DKK2: variants seen among roughly 807,000 people sequenced by gnomAD.
DKK2 encodes dickkopf-related protein 2.
Under a neutral mutation model 28.1 loss-of-function variants are expected in DKK2, and 11 were observed. The ratio of observed to expected loss-of-function variants is 0.39; its 90% CI spans 0.25 to 0.65. The LOEUF is 0.65. Ranked by LOEUF, DKK2 falls within the 30% of genes least tolerant of loss-of-function variation. The probability of loss-of-function intolerance (pLI) is 0.47; values close to 1 mark genes in which losing one functional copy is unlikely to be tolerated. For synonymous variants in DKK2, 135 were observed against 126.5 expected (o/e 1.07, Z -0.45); for missense variants, 326 against 335.5 (o/e 0.97, Z 0.22).
At chr4:107,019,913 A>G (rs1269678736) in intron 1 of DKK2, among the ~76,000 whole-genome samples, 1 of 152,032 alleles carries the variant, frequency 6.6e-6, no homozygotes, top group African/African-American at 2.4e-5. Flanking sequence ...TTTTCCTAAG[A>G]TATTTGAAAT....
intron 1 of DKK2, among the ~76,000 whole-genome samples, chr4:107,009,309 T>C (rs1321703110): frequency 6.6e-6 from 1 of 151,766 alleles, no homozygotes; most frequent in Non-Finnish European, 1.5e-5. Context: ...AAAAATAAAA[T>C]AAAAATAGTG....
intron 1 of DKK2, among the ~76,000 whole-genome samples, chr4:106,999,521 A>T (rs1253551952): frequency 1.3e-5 from 2 of 151,750 alleles, no homozygotes; most frequent in Non-Finnish European, 2.9e-5. Context: ...TAATTTTTGT[A>T]TTTTTAGTAG....
At chr4:106,964,684 A>G (rs753663617) in intron 1 of DKK2, among the ~76,000 whole-genome samples, 2 of 152,128 alleles carry the variant, frequency 1.3e-5, no homozygotes, top group Non-Finnish European at 2.9e-5. Flanking sequence ...GTTAACATCT[A>G]TAATCAGTTT....
At position 106,927,278 on chromosome 4, in the gene DKK2, T is replaced by C. The variant is rs1339480675; in HGVS notation, c.223-1329A>G. On this transcript the variant is annotated intron_variant, in intron 1 of 3. Coordinates refer to ENST00000285311, the MANE Select transcript of DKK2 (RefSeq NM_014421.3). ...CTTTTACTCTTTCCCTTTCTTCCAG[T>C]GTCTTCTCCTCCTGCCCATCTCCTG... Among the ~76,000 whole-genome samples, 7 of 152,182 alleles carry C rather than the reference T, an allele frequency of 4.6e-5. No homozygotes were observed. In the South Asian group the frequency reaches 6.2e-4, roughly 14 times the overall value.
chr4:107,008,774 G>A (rs1489005207), intron 1 of DKK2, among the ~76,000 whole-genome samples: 1 of 151,858 alleles, frequency 6.6e-6, no homozygotes, highest in African/African-American at 2.4e-5. Context: ...GCTTACACTT[G>A]TTTCCAAGTT....
In DKK2 at chr4:106,935,255, C is replaced by T. The variant is rs529675324; in HGVS notation, c.223-9306G>A. Among the ~76,000 whole-genome samples, 9 of 150,226 alleles carry T rather than the reference C, an allele frequency of 6.0e-5. No homozygotes were observed. In the East Asian group the frequency reaches 9.7e-4, roughly 16 times the overall value. On this transcript the variant is annotated intron_variant, in intron 1 of 3. Transcript: ENST00000285311. The stretch of plus-strand genomic sequence containing the variant: ...GACAGTGGGCACAGGTCAGTGGGTG[C>T]GCGCACCGTGTGCGAGCCAAAGCAG...
chr4:106,978,681 G>C (rs112362935), intron 1 of DKK2, among the ~76,000 whole-genome samples: 8 of 152,318 alleles, frequency 5.3e-5, no homozygotes, highest in African/African-American at 1.4e-4. Context: ...TGGGCTCTGT[G>C]GGGGTAGGAT....
At chr4:106,947,911 G>A (rs946133662) in intron 1 of DKK2, among the ~76,000 whole-genome samples, 1 of 151,884 alleles carries the variant, frequency 6.6e-6, no homozygotes, top group African/African-American at 2.4e-5. Context: ...TCAGCCTCTC[G>A]AGTTGCTAGG....
At chr4:106,999,585 T>C (rs1408017540) in intron 1 of DKK2, among the ~76,000 whole-genome samples, 2 of 152,148 alleles carry the variant, frequency 1.3e-5, no homozygotes, top group African/African-American at 4.8e-5. Flanking sequence ...GACTGCATGA[T>C]CCACCCGCCT....
At chr4:106,991,889 T>A (rs887993059) in intron 1 of DKK2, among the ~76,000 whole-genome samples, 6 of 152,178 alleles carry the variant, frequency 3.9e-5, no homozygotes, top group Admixed American at 1.3e-4. Flanking sequence ...GACAGTTGAT[T>A]CCCTGATCAT....
chr4:106,940,512 G>A (rs1724678238), intron 1 of DKK2, among the ~76,000 whole-genome samples: 1 of 150,614 alleles, frequency 6.6e-6, no homozygotes, highest in South Asian at 2.1e-4. Flanking sequence ...CTGTTAGTGG[G>A]ACCGTAAACT....
At chr4:107,030,074 TGTTA>T (rs1560595629) in intron 1 of DKK2, among the ~76,000 whole-genome samples, 1 of 152,086 alleles carries the variant, frequency 6.6e-6, no homozygotes, top group Non-Finnish European at 1.5e-5. Flanking sequence ...GCAATTCTGT[TGTTA>T]GTGATACATA....
chr4:107,009,344 G>A (rs1723483259), intron 1 of DKK2, among the ~76,000 whole-genome samples: 1 of 151,426 alleles, frequency 6.6e-6, no homozygotes, highest in Admixed American at 6.6e-5. Flanking sequence ...TGTTGCAACA[G>A]AAGAAGGACC....
chr4:106,938,787 G>A (rs1578349406), intron 1 of DKK2, among the ~76,000 whole-genome samples: 1 of 151,672 alleles, frequency 6.6e-6, no homozygotes, highest in South Asian at 2.1e-4. Context: ...TTCATCCCTG[G>A]GATGCAAGGC....
In DKK2 at chr4:107,035,388, C is replaced by T. The variant is rs767018715; in HGVS notation, c.204G>A (p.Lys68=). Residue 68 remains lysine, a synonymous_variant, in exon 1 of 4, where the codon AAG becomes AAA. Transcript: ENST00000285311. ...YQGLAFGGSK[K]GKNLGQAYPC... ...TTCCTACCTGCCCCAGGTTTTTGCC[C>T]TTCTTACTGCCGCCGAATGCCAGTC... is the stretch of plus-strand genomic sequence containing the variant. 3.0e-5 allele frequency: 48 copies of T among 1,614,066 alleles called. No individual in the cohort carries two copies. In the East Asian group the frequency reaches 1.0e-3, roughly 34 times the overall value.
At chr4:106,933,595 C>T (rs908463676) in intron 1 of DKK2, among the ~76,000 whole-genome samples, 5 of 152,138 alleles carry the variant, frequency 3.3e-5, no homozygotes, top group East Asian at 1.9e-4. Flanking sequence ...GCTGGCAATG[C>T]GCAAACTTTG....
At chr4:106,971,529 A>G (rs1722868351) in intron 1 of DKK2, among the ~76,000 whole-genome samples, 1 of 152,104 alleles carries the variant, frequency 6.6e-6, no homozygotes. Context: ...GCCAGACCAC[A>G]GAAATGCTAA....
At chr4:106,937,029 C>A (rs1179143866) in intron 1 of DKK2, among the ~76,000 whole-genome samples, 1 of 152,068 alleles carries the variant, frequency 6.6e-6, no homozygotes, top group East Asian at 1.9e-4. Flanking sequence ...AATGTAAAGA[C>A]CATCAAGACT....
chr4:106,972,924 G>A (rs552260575), intron 1 of DKK2, among the ~76,000 whole-genome samples: 1 of 152,130 alleles, frequency 6.6e-6, no homozygotes, highest in Non-Finnish European at 1.5e-5. Context: ...AGTGAGTGAT[G>A]TTCCCTTCTC....
Sources: gnomAD v4.1 joint callset for allele counts (sites outside exome capture counted in the v4.1 genomes callset) on GRCh38, gnomAD v4.1.1 for gene constraint, MANE v1.5 for transcripts, NCBI Gene and HGNC (gene_info 2026-07-23, HGNC 2026-07-21) for gene names.